The following SLC7A8 variants were observed in gnomAD, a reference collection of about 807,000 sequenced individuals.
The protein encoded by SLC7A8 is solute carrier family 7 member 8, also known as large neutral amino acids transporter small subunit 2.
A neutral mutation model predicts 51.2 loss-of-function variants in SLC7A8; 30 were observed. The ratio of observed to expected loss-of-function variants is 0.59; its 90% CI spans 0.44 to 0.80. The LOEUF is 0.80. SLC7A8 is among the 30% of genes least tolerant of loss of function. The pLI is 0.00. For missense variants in SLC7A8, 612 were observed against 674.4 expected (o/e 0.91, Z 1.03); for synonymous variants, 257 against 275.8 (o/e 0.93, Z 0.67).
At position 23,135,606 on chromosome 14, in the gene SLC7A8, G is replaced by A. The variant is rs1016324883; in HGVS notation, c.1016+2315C>T. Among the ~76,000 whole-genome samples the A allele has an allele frequency of 2.0e-5, 3 of 152,040 alleles. No homozygotes were observed. In the East Asian group the frequency reaches 5.9e-4, roughly 30 times the overall value. On this transcript the variant is annotated intron_variant, in intron 7 of 10. Transcript: ENST00000316902. ...AGTCCCAGCTACTCGGGAAGCTGAG[G>A]CAGGAGAATGGCGTGAACCCGGGAG... is the stretch of plus-strand genomic sequence containing the variant.
intron 3 of SLC7A8, among the ~76,000 whole-genome samples, chr14:23,145,433 A>T (rs2048784722): frequency 6.6e-6 from 1 of 150,756 alleles, no homozygotes; most frequent in African/African-American, 2.4e-5. Flanking sequence ...AGGCTGAGGC[A>T]GGAAAATCAC....
chr14:23,152,110 C>G (rs2048852818), intron 3 of SLC7A8, among the ~76,000 whole-genome samples: 1 of 152,048 alleles, frequency 6.6e-6, no homozygotes, highest in African/African-American at 2.4e-5. Flanking sequence ...ACACGTTATT[C>G]CCAGAGAGAG....
chr14:23,157,811 T>C lies in SLC7A8; in HGVS notation c.508+7474A>G, dbSNP rs148160639. On this transcript the variant is annotated intron_variant, in intron 3 of 10. Transcript: ENST00000316902. ...TTCAACCCCAGTCCCATCCTCACTT[T>C]TCTTGCAGGAGCTGCCTGGATGCTG... Among the ~76,000 whole-genome samples the C allele has an allele frequency of 2.0e-5, 3 of 152,312 alleles. No homozygotes were observed. The East Asian group carries it at 5.8e-4, about 29-fold the overall frequency.
intron 3 of SLC7A8, among the ~76,000 whole-genome samples, chr14:23,151,879 T>A (rs2048850596): frequency 6.6e-6 from 1 of 150,530 alleles, no homozygotes; most frequent in African/African-American, 2.4e-5. Flanking sequence ...GCCTGGCCAA[T>A]ATAGCAAAAC....
At chr14:23,133,152 T>G (rs1219167874) in intron 7 of SLC7A8, among the ~76,000 whole-genome samples, 1 of 152,084 alleles carries the variant, frequency 6.6e-6, no homozygotes, top group Non-Finnish European at 1.5e-5. Flanking sequence ...AAAAATTATA[T>G]CCTGTCTGGG....
chr14:23,139,822 C>T lies in SLC7A8; in HGVS notation c.789-275G>A, dbSNP rs112986236. Among the ~76,000 whole-genome samples, 255 of 152,226 alleles carry T rather than the reference C, an allele frequency of 1.7e-3. 1 individual carries two copies. The highest frequency in any genetic ancestry group is 5.6e-3 in the African/African-American group (233 of 41,532). On this transcript the variant is annotated intron_variant, in intron 5 of 10. Coordinates refer to ENST00000316902, the MANE Select transcript of SLC7A8 (RefSeq NM_012244.4). The stretch of plus-strand genomic sequence containing the variant: ...CCCAGGAGTTCGAGGCCAGCCCTGG[C>T]AACATAGCAAGGCCTCTTCTTTACA...
intron 3 of SLC7A8, among the ~76,000 whole-genome samples, chr14:23,150,692 T>TA (rs1286688949): frequency 3.4e-4 from 52 of 152,220 alleles, no homozygotes; most frequent in African/African-American, 1.2e-3. Flanking sequence ...ACTAAGAAAG[T>TA]CAAAAAGAGC....
At chr14:23,151,281 A>G (rs926977731) in intron 3 of SLC7A8, among the ~76,000 whole-genome samples, 6 of 152,170 alleles carry the variant, frequency 3.9e-5, no homozygotes, top group Admixed American at 3.9e-4. Context: ...AGATAGATAC[A>G]TCTACACAGA....
At chr14:23,182,697 G>T (rs927655575) in intron 1 of SLC7A8, 67 bp downstream of exon 1, 1 of 1,474,064 alleles carries the variant, frequency 6.8e-7, no homozygotes. Flanking sequence ...GCTTTCGAAG[G>T]GTTAAGATCT....
In SLC7A8 at chr14:23,180,136, G is replaced by C. The variant is rs539071681; in HGVS notation, c.151+2628C>G. Among the ~76,000 whole-genome samples, 457 of 152,260 alleles carry C rather than the reference G, an allele frequency of 3.0e-3. 2 individuals are homozygous for C. The highest frequency in any genetic ancestry group is 5.6e-3 in the Admixed American group (86 of 15,294). The stretch of plus-strand genomic sequence containing the variant: ...TTAGCCAGGATGGTCTTGATCTCCT[G>C]ACCTCGTGATCCGCCCGCCTTGGCC... On this transcript the variant is annotated intron_variant, in intron 1 of 10. Transcript: ENST00000316902.
intron 1 of SLC7A8, among the ~76,000 whole-genome samples, chr14:23,167,062 T>C (rs1176000400): frequency 6.6e-6 from 1 of 152,194 alleles, no homozygotes; most frequent in Non-Finnish European, 1.5e-5. Flanking sequence ...TTGGACAGAT[T>C]GCGGTCATAC....
chr14:23,177,856 C>T (rs1876990949), intron 1 of SLC7A8, among the ~76,000 whole-genome samples: 1 of 152,144 alleles, frequency 6.6e-6, no homozygotes. Context: ...TCACTGGGAA[C>T]ACAAAATTAA....
chr14:23,127,125 G>A lies in SLC7A8; in HGVS notation c.*52C>T, dbSNP rs1478360511. ...CATGTGTTGGCAGGACCAAGGCAGG[G>A]AGGTAGGATAAAAGGGGGAGGAAGG... On this transcript the variant is annotated 3_prime_UTR_variant, in exon 11 of 11. Transcript: ENST00000316902. The A allele has an allele frequency of 1.9e-6, 3 of 1,606,796 alleles. No individual in the cohort carries two copies.
intron 3 of SLC7A8, among the ~76,000 whole-genome samples, chr14:23,143,672 C>G (rs2048765485): frequency 6.6e-6 from 1 of 152,180 alleles, no homozygotes; most frequent in Non-Finnish European, 1.5e-5. Flanking sequence ...TACTAAAACT[C>G]ACCTTTTTAA....
At chr14:23,139,344 A>G in intron 6 of SLC7A8, 80 bp downstream of exon 6, 4 of 1,600,034 alleles carry the variant, frequency 2.5e-6, no homozygotes, top group Non-Finnish European at 3.4e-6. Flanking sequence ...GCCATGGATC[A>G]GGGAAAAGTG....
At chr14:23,135,194 T>C (rs888885574) in intron 7 of SLC7A8, among the ~76,000 whole-genome samples, 2 of 151,986 alleles carry the variant, frequency 1.3e-5, no homozygotes, top group African/African-American at 4.8e-5. Context: ...TTCAAGTGAT[T>C]CTTCTGCCTC....
At chr14:23,158,358 A>C (rs1280660378) in intron 3 of SLC7A8, among the ~76,000 whole-genome samples, 2 of 152,136 alleles carry the variant, frequency 1.3e-5, no homozygotes, top group Non-Finnish European at 2.9e-5. Context: ...GAGGACATGG[A>C]AGGCAGACAT....
chr14:23,174,025 T>C (rs984668751), intron 1 of SLC7A8, among the ~76,000 whole-genome samples: 3 of 152,208 alleles, frequency 2.0e-5, no homozygotes, highest in Non-Finnish European at 2.9e-5. Context: ...ACAAAGATTG[T>C]AAATAGGGAA....
At chr14:23,149,178 G>T (rs2048824550) in intron 3 of SLC7A8, among the ~76,000 whole-genome samples, 1 of 152,190 alleles carries the variant, frequency 6.6e-6, no homozygotes, top group South Asian at 2.1e-4. Flanking sequence ...ACCCTAGTTG[G>T]GATCCCACAG....
Sources: gnomAD v4.1 joint callset for allele counts (sites outside exome capture counted in the v4.1 genomes callset) on GRCh38, gnomAD v4.1.1 for gene constraint, MANE v1.5 for transcripts, NCBI Gene and HGNC (gene_info 2026-07-23, HGNC 2026-07-21) for gene names.